Variants in IFT81 observed in about 807,000 individuals in gnomAD.
IFT81 encodes the protein intraflagellar transport protein 81 homolog.
In IFT81, 72 loss-of-function variants were observed where a neutral mutation model predicts 102.6. The observed-to-expected ratio is 0.70, with a 90% CI of 0.58 to 0.85. IFT81 has a LOEUF of 0.85. IFT81 is among the 40% of genes least tolerant of loss of function. IFT81 has a pLI of 0.00. For missense variants in IFT81, 723 were observed against 787.3 expected (o/e 0.92, Z 0.98); for synonymous variants, 237 against 242.7 (o/e 0.98, Z 0.22).
intron 14 of IFT81, 44 bp downstream of exon 14, chr12:110,192,750 T>G: frequency 9.1e-7 from 1 of 1,101,238 alleles, no homozygotes; most frequent in Non-Finnish European, 1.4e-6. Flanking sequence ...TATGATACTT[T>G]TAGTATTCTA....
chr12:110,134,882 A>C, intron 5 of IFT81, 66 bp from the exon 6 acceptor site: 1 of 1,184,086 alleles, frequency 8.4e-7, no homozygotes, highest in East Asian at 2.4e-5. Flanking sequence ...ATCAAAATAA[A>C]ACCTTATCTG....
chr12:110,157,593 T>C (rs1895912566), intron 10 of IFT81, among the ~76,000 whole-genome samples: 2 of 152,216 alleles, frequency 1.3e-5, no homozygotes, highest in South Asian at 4.1e-4. Context: ...TCATACATTA[T>C]TTCTTCATAT....
intron 18 of IFT81, among the ~76,000 whole-genome samples, chr12:110,211,724 C>T (rs1869470443): frequency 6.6e-6 from 1 of 151,944 alleles, no homozygotes; most frequent in African/African-American, 2.4e-5. Context: ...CCAGGCTGGT[C>T]TCAAACTCCT....
intron 14 of IFT81, among the ~76,000 whole-genome samples, chr12:110,200,523 G>A (rs1038718241): frequency 1.3e-5 from 2 of 152,158 alleles, no homozygotes; most frequent in African/African-American, 2.4e-5. Flanking sequence ...GAGTCAATGA[G>A]TGAGTGGTAA....
At chr12:110,173,083 T>C (rs1896839266) in intron 11 of IFT81, among the ~76,000 whole-genome samples, 1 of 141,158 alleles carries the variant, frequency 7.1e-6, no homozygotes, top group African/African-American at 2.7e-5. Flanking sequence ...GGAGCCCCTC[T>C]GCCCGACCAG....
chr12:110,137,715 G>A (rs964431619), intron 8 of IFT81, among the ~76,000 whole-genome samples: 2 of 151,978 alleles, frequency 1.3e-5, no homozygotes, highest in Non-Finnish European at 2.9e-5. Flanking sequence ...CAGCCTGGGC[G>A]ACAGACTGAG....
At chr12:110,207,968 A>G (rs1277245289) in intron 17 of IFT81, among the ~76,000 whole-genome samples, 1 of 152,186 alleles carries the variant, frequency 6.6e-6, no homozygotes, top group Non-Finnish European at 1.5e-5. Flanking sequence ...TTAGCTTACA[A>G]AAGAAATACT....
chr12:110,201,902 T>C (rs535012725), intron 14 of IFT81, among the ~76,000 whole-genome samples: 3 of 152,210 alleles, frequency 2.0e-5, no homozygotes, highest in Non-Finnish European at 4.4e-5. Flanking sequence ...TGTCATCTCC[T>C]GTAACAATGC....
chr12:110,202,806 A>G lies in IFT81; in HGVS notation c.1558-1058A>G, dbSNP rs749509383. ...TTGGCAAGGTACTTGTTCTCCCTGA[A>G]CTTTCTGCAAGCATTATATGGTGGT... On this transcript the variant is annotated intron_variant, in intron 14 of 18. Transcript: ENST00000242591. 8.7e-4 allele frequency among the ~76,000 whole-genome samples: 132 copies of G among 152,084 alleles called. 1 individual carries two copies. Among genetic ancestry groups the G allele is most frequent in the Non-Finnish European group, 3.7e-4 (25 of 68,020 alleles).
intron 14 of IFT81, among the ~76,000 whole-genome samples, chr12:110,199,818 A>AAGGAAACCGTGCAGC (rs1898181796): frequency 1.3e-5 from 2 of 152,152 alleles, no homozygotes; most frequent in Admixed American, 6.5e-5. Flanking sequence ...TCCTGTTTCT[A>AAGGAAACCGTGCAGC]AGGAAACCGT....
intron 18 of IFT81, among the ~76,000 whole-genome samples, chr12:110,210,866 T>G (rs1869316057): frequency 6.6e-6 from 1 of 151,852 alleles, no homozygotes; most frequent in African/African-American, 2.4e-5. Flanking sequence ...TCCTTTTTTT[T>G]TCGAGACAGA....
At chr12:110,173,104 C>T (rs1302388981) in intron 11 of IFT81, among the ~76,000 whole-genome samples, 2 of 140,016 alleles carry the variant, frequency 1.4e-5, no homozygotes, top group African/African-American at 5.4e-5. Context: ...CCGCCCCATC[C>T]GGGAGGGAGG....
rs545061194 is a variant in IFT81, at chr12:110,147,096, A to C, written c.1041+48A>C. ...CATATTTAGATCTGTAAGCATATTC[A>C]TGAACCACTGGCTGTGTTATCTATA... On this transcript the variant is annotated intron_variant, in intron 10 of 18. Transcript: ENST00000242591. The C allele has an allele frequency of 3.1e-5, 44 of 1,425,090 alleles. No homozygotes were observed. The South Asian group carries it at 5.0e-4, about 16-fold the overall frequency. The allele number at this position is 1,425,090 out of a possible 1,614,324, so 88.3% of individuals were successfully genotyped here.
At chr12:110,183,653 G>GAAA (rs768821796) in intron 12 of IFT81, among the ~76,000 whole-genome samples, 4 of 152,198 alleles carry the variant, frequency 2.6e-5, no homozygotes, top group Non-Finnish European at 5.9e-5. Flanking sequence ...TCCATGTAAT[G>GAAA]AAAAGATCAT....
At chr12:110,204,069 A>G (rs1898443015) in intron 15 of IFT81, 119 bp downstream of exon 15, 2 of 649,322 alleles carry the variant, frequency 3.1e-6, no homozygotes, top group Non-Finnish European at 2.7e-6. Flanking sequence ...GTTTGAGGCT[A>G]CAGTGAGCTA....
chr12:110,136,364 G>T (rs1464147840), intron 7 of IFT81, among the ~76,000 whole-genome samples: 1 of 152,212 alleles, frequency 6.6e-6, no homozygotes, highest in Non-Finnish European at 1.5e-5. Context: ...CATCGAAGTA[G>T]TTTCACTGCA....
rs1419098570 is a variant in IFT81, at chr12:110,218,318, G to A, written c.*92G>A. The stretch of plus-strand genomic sequence containing the variant: ...TTCTTTTTTGAAACTGATTTGTATA[G>A]CATTTTGTTTTCAGAAGAGCCATTC... On this transcript the variant is annotated 3_prime_UTR_variant, in exon 19 of 19. Coordinates refer to ENST00000242591, the MANE Select transcript of IFT81 (RefSeq NM_014055.4). 10 of 957,598 alleles carry A rather than the reference G, an allele frequency of 1.0e-5. No homozygotes were observed. The highest frequency in any genetic ancestry group is 1.3e-5 in the Non-Finnish European group (9 of 680,704). The allele number at this position is 957,598 out of a possible 1,614,324, so 59.3% of individuals were successfully genotyped here.
chr12:110,140,881 G>A (rs1306406923), intron 8 of IFT81, among the ~76,000 whole-genome samples: 5 of 151,398 alleles, frequency 3.3e-5, no homozygotes, highest in Middle Eastern at 3.2e-3. Context: ...ATGCCACCAC[G>A]CCCGGCTAAT....
intron 18 of IFT81, chr12:110,216,462 T>A (rs1377708375): frequency 4.4e-6 from 2 of 452,860 alleles, no homozygotes; most frequent in Non-Finnish European, 4.4e-6. Context: ...CCCAAAGTGC[T>A]GGAATTACAG....
Sources: allele counts gnomAD v4.1 joint callset (sites outside exome capture counted in the v4.1 genomes callset), GRCh38; gene constraint gnomAD v4.1.1; transcripts MANE v1.5; gene names NCBI Gene and HGNC (gene_info 2026-07-23, HGNC 2026-07-21).